Variants in SV2C observed in about 807,000 individuals in gnomAD.
The protein encoded by SV2C is synaptic vesicle glycoprotein 2C.
SV2C carries 49 observed loss-of-function variants against 79.7 expected under a neutral mutation model. The observed-to-expected ratio is 0.61, with a 90% CI of 0.49 to 0.78. The LOEUF (loss-of-function observed/expected upper bound fraction) is 0.78. SV2C is among the 30% of genes least tolerant of loss of function. The probability of loss-of-function intolerance (pLI) is 0.00; values close to 1 mark genes in which losing one functional copy is unlikely to be tolerated. For missense variants in SV2C, 833 were observed against 912.9 expected, an observed-to-expected ratio of 0.91 and a Z score of 1.13; for synonymous variants, 334 against 333.2, an observed-to-expected ratio of 1.00 and a Z score of -0.03.
the SV2C span, among the ~76,000 whole-genome samples, chr5:75,909,208 T>C: frequency 2.7e-3 from 408 of 152,310 alleles, 2 homozygotes; most frequent in African/African-American, 8.7e-3. Flanking sequence ...TGTGGCCAAA[T>C]TGGTCTGCAA....
At chr5:76,095,106 A>C (rs1747510305) in intron 1 of SV2C, among the ~76,000 whole-genome samples, 1 of 151,978 alleles carries the variant, frequency 6.6e-6, no homozygotes, top group Admixed American at 6.6e-5. Flanking sequence ...TCTATACTCC[A>C]TTTTAATTTT....
rs1228861113 is a variant in SV2C, at chr5:76,300,739, A to C, written c.1647A>C (p.Pro549=). The change falls in exon 11 of 13, where the codon CCA becomes CCC. Residue 549 remains proline (P), a synonymous_variant. Transcript: ENST00000502798. The part of the protein sequence containing the change: ...DTVFDNTDFE[P]YKFIDSEFKN... ...TTGTTGTTTCTACAGATTTTGAGCC[A>C]TATAAATTCATTGACAGTGAATTTA... 6.2e-7 allele frequency: 1 copy of C among 1,614,032 alleles called. No individual in the cohort carries two copies. Among genetic ancestry groups the C allele is most frequent in the African/African-American group, 1.3e-5 (1 of 75,056 alleles).
At chr5:76,311,799 T>C (rs1009486721) in intron 12 of SV2C, among the ~76,000 whole-genome samples, 11 of 152,158 alleles carry the variant, frequency 7.2e-5, no homozygotes, top group Non-Finnish European at 2.9e-5. Context: ...AGCTTCCTTT[T>C]CCCTCATTTC....
At chr5:75,982,343 G>A in the SV2C span, among the ~76,000 whole-genome samples, 5 of 152,062 alleles carry the variant, frequency 3.3e-5, no homozygotes, top group African/African-American at 1.2e-4. Context: ...CATACACATG[G>A]CCAACAATCA....
chr5:75,918,657 A>C, the SV2C span, among the ~76,000 whole-genome samples: 1 of 152,244 alleles, frequency 6.6e-6, no homozygotes, highest in Non-Finnish European at 1.5e-5. Context: ...TCCACCACTC[A>C]GACTGTTGCT....
At chr5:76,319,456 C>T (rs1409672263) in intron 12 of SV2C, among the ~76,000 whole-genome samples, 1 of 152,078 alleles carries the variant, frequency 6.6e-6, no homozygotes, top group Admixed American at 6.6e-5. Flanking sequence ...TTACACGCTT[C>T]AGCTGCAAAT....
chr5:75,898,622 G>T, the SV2C span, among the ~76,000 whole-genome samples: 4 of 152,160 alleles, frequency 2.6e-5, no homozygotes, highest in Middle Eastern at 3.4e-3. Flanking sequence ...TTTATTGATT[G>T]GAATAGTTTC....
rs556804815 is a variant in SV2C at position 76,187,469 on chromosome 5, A to G, written c.581-7450A>G. 3.3e-5 allele frequency among the ~76,000 whole-genome samples: 5 copies of G among 152,290 alleles called. No homozygotes were observed. In the South Asian group the frequency reaches 1.0e-3, roughly 32 times the overall value. On this transcript the variant is annotated intron_variant, in intron 2 of 12. Transcript: ENST00000502798. ...GACTTCCCTAAGGTAAAAGTCAAAG[A>G]TATGCTATAGACTGCATCTGATATT...
chr5:76,150,886 C>G (rs990289990), intron 2 of SV2C, among the ~76,000 whole-genome samples: 1 of 152,006 alleles, frequency 6.6e-6, no homozygotes, highest in Non-Finnish European at 1.5e-5. Flanking sequence ...GTGATCCTCC[C>G]ACCTTGGCCT....
chr5:75,957,018 C>T, the SV2C span, among the ~76,000 whole-genome samples: 1 of 151,952 alleles, frequency 6.6e-6, no homozygotes, highest in Non-Finnish European at 1.5e-5. Flanking sequence ...AAGTCCATGT[C>T]ACATAGTTGC....
At chr5:76,034,826 A>G in the SV2C span, among the ~76,000 whole-genome samples, 7 of 152,182 alleles carry the variant, frequency 4.6e-5, no homozygotes, top group African/African-American at 7.2e-5. Context: ...AAGGAATGGT[A>G]CCAGTTCCTC....
intron 1 of SV2C, among the ~76,000 whole-genome samples, chr5:76,107,291 A>C (rs1747950452): frequency 6.6e-6 from 1 of 152,204 alleles, no homozygotes; most frequent in Non-Finnish European, 1.5e-5. Context: ...TTTGAGAGTG[A>C]TGAGAGCTTG....
intron 12 of SV2C, among the ~76,000 whole-genome samples, chr5:76,342,886 CTT>C (rs35379719): frequency 9.7e-4 from 135 of 138,776 alleles, no homozygotes; most frequent in Middle Eastern, 3.9e-3. Flanking sequence ...CTCTCTCTCT[CTT>C]TTTTTTTTTT....
chr5:76,092,306 C>T (rs1207650205), intron 1 of SV2C, among the ~76,000 whole-genome samples: 2 of 152,108 alleles, frequency 1.3e-5, no homozygotes, highest in African/African-American at 4.8e-5. Flanking sequence ...CAATATACAC[C>T]TGCAATGCTG....
At chr5:75,955,172 A>G in the SV2C span, among the ~76,000 whole-genome samples, 2 of 151,522 alleles carry the variant, frequency 1.3e-5, no homozygotes, top group South Asian at 4.2e-4. Context: ...AACCAAAACA[A>G]CATGGTACTG....
At chr5:75,955,282 C>T in the SV2C span, among the ~76,000 whole-genome samples, 3 of 148,878 alleles carry the variant, frequency 2.0e-5, no homozygotes, top group East Asian at 3.9e-4. Context: ...CTGAGAAAAA[C>T]AAGCAATGGG....
chr5:75,853,049 AAG>A, the SV2C span, among the ~76,000 whole-genome samples: 4 of 152,134 alleles, frequency 2.6e-5, no homozygotes, highest in Non-Finnish European at 4.4e-5. Flanking sequence ...ATATATCAAA[AAG>A]AGAGGAAGTG....
chr5:75,913,491 G>T, the SV2C span, among the ~76,000 whole-genome samples: 1 of 152,220 alleles, frequency 6.6e-6, no homozygotes, highest in Non-Finnish European at 1.5e-5. Context: ...GCCTTGAAAG[G>T]GTTAGGGATT....
the SV2C span, among the ~76,000 whole-genome samples, chr5:76,075,130 C>T: frequency 4.6e-5 from 7 of 152,166 alleles, no homozygotes; most frequent in Admixed American, 6.5e-5. Flanking sequence ...ATTCACTTGA[C>T]TCTTACATCC....
Sources: gnomAD v4.1 joint callset for allele counts (sites outside exome capture counted in the v4.1 genomes callset) on GRCh38, gnomAD v4.1.1 for gene constraint, MANE v1.5 for transcripts, NCBI Gene and HGNC (gene_info 2026-07-23, HGNC 2026-07-21) for gene names.